The following NAALADL2 variants were observed in gnomAD, a reference collection of about 807,000 sequenced individuals.
NAALADL2 encodes N-acetylated alpha-linked acidic dipeptidase like 2.
NAALADL2 carries 76 observed loss-of-function variants against 87.2 expected under a neutral mutation model. That is an observed-to-expected ratio of 0.87 (90% CI 0.72 to 1.05). The LOEUF is 1.05. Among genes scored for constraint, NAALADL2 ranks in the 50% least tolerant of loss-of-function variants. The pLI is 0.00. For missense variants in NAALADL2, 1,089 were observed against 945.8 expected (o/e 1.15, Z -1.99); for synonymous variants, 354 against 331.0 (o/e 1.07, Z -0.75).
intron 1 of NAALADL2, among the ~76,000 whole-genome samples, chr3:174,869,508 A>T (rs1020497612): frequency 6.6e-6 from 1 of 152,142 alleles, no homozygotes; most frequent in Non-Finnish European, 1.5e-5. Flanking sequence ...TGGAAGGAAA[A>T]ATATGAGTGA....
chr3:174,706,276 T>C (rs537087885), intron 2 of NAALADL2, among the ~76,000 whole-genome samples: 52 of 152,352 alleles, frequency 3.4e-4, no homozygotes, highest in African/African-American at 1.3e-3. Flanking sequence ...GTTTGATCTC[T>C]ACCTCATACC....
chr3:175,160,957 A>T (rs928707500), intron 2 of NAALADL2, among the ~76,000 whole-genome samples: 18 of 152,278 alleles, frequency 1.2e-4, no homozygotes, highest in African/African-American at 3.8e-4. Context: ...AATGATTATA[A>T]TAAAACAAAA....
chr3:174,927,029 G>GAA (rs552773959), intron 1 of NAALADL2, among the ~76,000 whole-genome samples: 18,311 of 98,890 alleles, frequency 0.19, 1,372 homozygotes, highest in African/African-American at 0.26. Flanking sequence ...AGCAAATGAA[G>GAA]AAAAAAAAAA....
intron 2 of NAALADL2, among the ~76,000 whole-genome samples, chr3:174,697,719 T>C (rs1377649518): frequency 6.6e-6 from 1 of 152,178 alleles, no homozygotes; most frequent in Non-Finnish European, 1.5e-5. Flanking sequence ...ATATTTTTCT[T>C]ATTAAAAATA....
chr3:174,558,580 A>T (rs1285396166), intron 2 of NAALADL2, among the ~76,000 whole-genome samples: 3 of 152,056 alleles, frequency 2.0e-5, no homozygotes, highest in Admixed American at 6.6e-5. Context: ...TGCAGTTCAC[A>T]ATAGGGTTCG....
intron 5 of NAALADL2, among the ~76,000 whole-genome samples, chr3:175,358,975 G>A (rs550940850): frequency 6.6e-6 from 1 of 152,212 alleles, no homozygotes; most frequent in Non-Finnish European, 1.5e-5. Flanking sequence ...CCATGGAACT[G>A]TAAAACAAAA....
At chr3:175,471,371 C>G (rs145526148) in intron 8 of NAALADL2, among the ~76,000 whole-genome samples, 71 of 150,812 alleles carry the variant, frequency 4.7e-4, no homozygotes, top group African/African-American at 1.6e-3. Flanking sequence ...GTAGTCCCAG[C>G]TACTGAGGCA....
At chr3:174,865,897 G>T (rs927045657) in intron 1 of NAALADL2, among the ~76,000 whole-genome samples, 1 of 151,712 alleles carries the variant, frequency 6.6e-6, no homozygotes, top group African/African-American at 2.4e-5. Flanking sequence ...GGAAACAGAG[G>T]ATTTTTCAAA....
At chr3:174,569,639 G>A (rs1176513117) in intron 2 of NAALADL2, among the ~76,000 whole-genome samples, 1 of 152,056 alleles carries the variant, frequency 6.6e-6, no homozygotes, top group Non-Finnish European at 1.5e-5. Flanking sequence ...TTATTTTAAA[G>A]TTTGTTGAAT....
rs114180776 is a variant in NAALADL2, at chr3:175,614,029, C to T, written c.1801-13262C>T. ...ACAATATCCCACAATATACTGCTCT[C>T]ACAAAGTAGGCATGCCAGAATCTGT... On this transcript the variant is annotated intron_variant, in intron 10 of 13. Transcript: ENST00000454872. Among the ~76,000 whole-genome samples, 917 of 152,202 alleles carry T rather than the reference C, an allele frequency of 6.0e-3. 5 individuals are homozygous for T. Among genetic ancestry groups the T allele is most frequent in the African/African-American group, 0.021 (860 of 41,550 alleles).
intron 1 of NAALADL2, among the ~76,000 whole-genome samples, chr3:174,494,084 A>G (rs1718371969): frequency 6.6e-6 from 1 of 152,120 alleles, no homozygotes; most frequent in Non-Finnish European, 1.5e-5. Context: ...GATTGGGTAG[A>G]GTATGTGCTC....
chr3:175,695,417 T>A (rs146243738), intron 11 of NAALADL2, among the ~76,000 whole-genome samples: 4,365 of 152,262 alleles, frequency 0.029, 201 homozygotes, highest in African/African-American at 0.1. Context: ...AAACTGTAGA[T>A]GCCACATCAC....
At chr3:174,713,666 ATTTG>A (rs1283452396) in intron 2 of NAALADL2, among the ~76,000 whole-genome samples, 1 of 151,908 alleles carries the variant, frequency 6.6e-6, no homozygotes, top group Non-Finnish European at 1.5e-5. Context: ...TTTCTTGTAA[ATTTG>A]TTTGAGTTCA....
chr3:174,955,621 G>A (rs921002175), intron 1 of NAALADL2, among the ~76,000 whole-genome samples: 10 of 152,074 alleles, frequency 6.6e-5, no homozygotes, highest in Non-Finnish European at 8.8e-5. Context: ...GTAGACAAAG[G>A]ATTAAATAGT....
At chr3:174,522,453 T>G (rs2108415937) in intron 1 of NAALADL2, among the ~76,000 whole-genome samples, 1 of 151,936 alleles carries the variant, frequency 6.6e-6, no homozygotes, top group South Asian at 2.1e-4. Flanking sequence ...TTGAGGCCAG[T>G]AGTTTGAGAC....
rs538005487 is a variant in NAALADL2 at position 175,312,982 on chromosome 3, C to T, written c.940-11193C>T. Among the ~76,000 whole-genome samples the T allele has an allele frequency of 7.9e-5, 12 of 152,224 alleles. No individual in the cohort carries two copies. The East Asian group carries it at 9.7e-4, about 12-fold the overall frequency. On this transcript the variant is annotated intron_variant, in intron 4 of 13. Transcript: ENST00000454872. Reference sequence around the variant, plus strand: ...CCATAGTAAAATACCATAGACTGGGCGGCTTAAACTACGAAAAATTATTTT... The same window carrying T: ...CCATAGTAAAATACCATAGACTGGGTGGCTTAAACTACGAAAAATTATTTT...
At chr3:175,669,878 T>C (rs997154247) in intron 11 of NAALADL2, among the ~76,000 whole-genome samples, 2 of 152,152 alleles carry the variant, frequency 1.3e-5, no homozygotes, top group African/African-American at 4.8e-5. Flanking sequence ...GACTTTATGC[T>C]ATTTCACTAT....
In NAALADL2 at chr3:174,744,224, C is replaced by T. The variant is rs145312238; in HGVS notation, c.-9+6478C>T. On this transcript the variant is annotated intron_variant, in intron 3 of 3. Transcript: ENST00000434257. Reference sequence around the variant, plus strand: ...TGACTATAAAATAGGAGATAATAGCCTGGATTATCCAGGCGGGCCCAATGT... The same window carrying T: ...TGACTATAAAATAGGAGATAATAGCTTGGATTATCCAGGCGGGCCCAATGT... Among the ~76,000 whole-genome samples, 480 of 151,918 alleles carry T rather than the reference C, an allele frequency of 3.2e-3. 15 individuals carry two copies. In the East Asian group the frequency reaches 0.076, roughly 24 times the overall value.
At chr3:175,385,066 T>G (rs1177950785) in intron 5 of NAALADL2, among the ~76,000 whole-genome samples, 1 of 152,122 alleles carries the variant, frequency 6.6e-6, no homozygotes, top group African/African-American at 2.4e-5. Flanking sequence ...AGTGTAGTTA[T>G]TATTTAATGA....
Sources: gnomAD v4.1 joint callset for allele counts (sites outside exome capture counted in the v4.1 genomes callset) on GRCh38, gnomAD v4.1.1 for gene constraint, MANE v1.5 for transcripts, NCBI Gene and HGNC (gene_info 2026-07-23, HGNC 2026-07-21) for gene names.